The following DHX32 variants were observed in gnomAD, a reference collection of about 807,000 sequenced individuals.
DHX32 encodes DEAH-box helicase 32 (putative).
A neutral mutation model predicts 70.0 loss-of-function variants in DHX32; 51 were observed. The ratio of observed to expected loss-of-function variants is 0.73; its 90% CI spans 0.58 to 0.92. The LOEUF (loss-of-function observed/expected upper bound fraction) is 0.92. Ranked by LOEUF, DHX32 falls within the 40% of genes least tolerant of loss-of-function variation. The pLI, the probability that DHX32 is intolerant of heterozygous loss-of-function variation, is 0.00. For missense variants in DHX32, 762 were observed against 891.8 expected (o/e 0.85, Z 1.85); for synonymous variants, 310 against 315.3 (o/e 0.98, Z 0.18).
At chr10:125,887,351 A>G (rs1944345991) in intron 1 of DHX32, among the ~76,000 whole-genome samples, 1 of 152,238 alleles carries the variant, frequency 6.6e-6, no homozygotes, top group Admixed American at 6.5e-5. Context: ...TATGATATGT[A>G]GACTCAACCT....
chr10:125,879,000 G>A (rs559166958), intron 1 of DHX32, among the ~76,000 whole-genome samples: 5 of 146,276 alleles, frequency 3.4e-5, no homozygotes, highest in South Asian at 2.2e-4. Flanking sequence ...GAGCCACAGC[G>A]CCCAGCCTTT....
At chr10:125,879,026 T>G (rs1317050559) in intron 1 of DHX32, among the ~76,000 whole-genome samples, 3 of 137,482 alleles carry the variant, frequency 2.2e-5, no homozygotes, top group East Asian at 2.1e-4. Flanking sequence ...TTTTTTTTTT[T>G]TTTTTTTTTT....
chr10:125,881,826 A>G (rs1446116156), upstream of DHX32, among the ~76,000 whole-genome samples: 1 of 152,098 alleles, frequency 6.6e-6, no homozygotes, highest in Non-Finnish European at 1.5e-5. Flanking sequence ...ATTTTTTTGT[A>G]GAGACGGAGT....
chr10:125,873,879 A>G (rs1944269436), intron 1 of DHX32, among the ~76,000 whole-genome samples: 1 of 152,230 alleles, frequency 6.6e-6, no homozygotes, highest in African/African-American at 2.4e-5. Context: ...AGTCAATAGA[A>G]GTACAGATGT....
intron 1 of DHX32, among the ~76,000 whole-genome samples, chr10:125,879,608 C>T (rs369399485): frequency 2.6e-5 from 4 of 152,148 alleles, no homozygotes; most frequent in South Asian, 4.1e-4. Context: ...CTGAGTGCTG[C>T]GTAATTCATG....
At chr10:125,868,663 G>A (rs1013681912) in intron 1 of DHX32, among the ~76,000 whole-genome samples, 3 of 152,164 alleles carry the variant, frequency 2.0e-5, no homozygotes, top group African/African-American at 7.2e-5. Flanking sequence ...CTCAGGAAAC[G>A]TGGAATCAAG....
chr10:125,863,742 C>G (rs932216368), intron 2 of DHX32, among the ~76,000 whole-genome samples: 2 of 152,252 alleles, frequency 1.3e-5, no homozygotes, highest in African/African-American at 4.8e-5. Context: ...AGCCACCGTG[C>G]CCGGCCAATC....
At chr10:125,842,783 TAAAG>T in intron 6 of DHX32, 2 of 945,074 alleles carry the variant, frequency 2.1e-6, no homozygotes, top group Non-Finnish European at 2.5e-6. Flanking sequence ...CCAGTGCAAA[TAAAG>T]AAATAAAGAT....
intron 1 of DHX32, among the ~76,000 whole-genome samples, chr10:125,893,330 G>A (rs1377270557): frequency 1.3e-5 from 2 of 152,092 alleles, no homozygotes; most frequent in Non-Finnish European, 2.9e-5. Flanking sequence ...TGCAAGCTCC[G>A]CCTCCCGGGT....
chr10:125,854,935 T>TA (rs1369568107), intron 3 of DHX32: 1 of 152,092 alleles, frequency 6.6e-6, no homozygotes. Flanking sequence ...GTTTAGAAAT[T>TA]AAAAGGAAGG....
At chr10:125,878,019 A>C (rs1944294325) in intron 1 of DHX32, among the ~76,000 whole-genome samples, 1 of 152,204 alleles carries the variant, frequency 6.6e-6, no homozygotes, top group Non-Finnish European at 1.5e-5. Flanking sequence ...TTCATGATAA[A>C]AATACTGGTT....
At chr10:125,853,832 G>T in intron 4 of DHX32, 129 bp downstream of exon 4, 1 of 1,198,562 alleles carries the variant, frequency 8.3e-7, no homozygotes, top group South Asian at 1.6e-5. Context: ...TTGCACTCAT[G>T]ACCAAATTCA....
Position 125,880,915 on chromosome 10 carries a change from T to G in DHX32, c.-91A>C. On this transcript the variant is annotated 5_prime_UTR_variant, in exon 1 of 11. Transcript: ENST00000284690. ...TGCAAACAGGGCTTAAAAGCCTATTTATACAAACCCGTATGTTCCAATCTC... is the reference window on the plus strand; with the variant it reads ...TGCAAACAGGGCTTAAAAGCCTATTGATACAAACCCGTATGTTCCAATCTC... 4 of 1,435,938 alleles carry G rather than the reference T, an allele frequency of 2.8e-6. No homozygotes were observed. Among genetic ancestry groups the G allele is most frequent in the African/African-American group, 1.4e-5 (1 of 70,244 alleles). The allele number at this position is 1,435,938 out of a possible 1,614,324, so 88.9% of individuals were successfully genotyped here. A position where few individuals can be genotyped will look rare whatever the true frequency, so the allele number is the denominator to read the frequency against.
chr10:125,859,549 A>G lies in DHX32; in HGVS notation c.849+54T>C, dbSNP rs1944171949. 15 of 1,510,484 alleles carry G rather than the reference A, an allele frequency of 9.9e-6. 1 individual carries two copies. In the South Asian group the frequency reaches 2.1e-4, roughly 21 times the overall value. 93.6% of individuals were successfully genotyped at this position (1,510,484 alleles called of 1,614,324 possible). A position where few individuals can be genotyped will look rare whatever the true frequency, so the allele number is the denominator to read the frequency against. Reference sequence around the variant, plus strand: ...TGAAACCTGTATGTTAGTTATTAAAAGCTTCCCAAATGAAATACCTTATTA... The same window carrying G: ...TGAAACCTGTATGTTAGTTATTAAAGGCTTCCCAAATGAAATACCTTATTA... On this transcript the variant is annotated intron_variant, in intron 3 of 10. Transcript: ENST00000284690.
intron 2 of DHX32, among the ~76,000 whole-genome samples, chr10:125,864,997 C>T (rs1382768367): frequency 7.4e-6 from 1 of 134,564 alleles, no homozygotes; most frequent in Non-Finnish European, 1.6e-5. Flanking sequence ...GATTCCATAT[C>T]ATGACAAAGC....
intron 6 of DHX32, among the ~76,000 whole-genome samples, chr10:125,843,468 C>T (rs751569184): frequency 4.6e-5 from 7 of 152,032 alleles, no homozygotes; most frequent in African/African-American, 7.2e-5. Context: ...AAAAATTAGC[C>T]GGGCGTGGTG....
chr10:125,863,608 C>A (rs1037972331), intron 2 of DHX32, among the ~76,000 whole-genome samples: 1 of 152,044 alleles, frequency 6.6e-6, no homozygotes, highest in African/African-American at 2.4e-5. Context: ...CCACCACTCC[C>A]AGCTAATTTT....
At chr10:125,892,671 T>A (rs1408421319) in intron 1 of DHX32, among the ~76,000 whole-genome samples, 3 of 152,202 alleles carry the variant, frequency 2.0e-5, no homozygotes, top group African/African-American at 7.2e-5. Flanking sequence ...AGGAAGTACC[T>A]AACACATTGT....
At chr10:125,840,352 A>G (rs543331878) in intron 8 of DHX32, among the ~76,000 whole-genome samples, 15 of 152,206 alleles carry the variant, frequency 9.9e-5, no homozygotes, top group Middle Eastern at 3.4e-3. Context: ...GCTCTCCTCT[A>G]TCAAGCTCCG....
Sources: allele counts gnomAD v4.1 joint callset (sites outside exome capture counted in the v4.1 genomes callset), GRCh38; gene constraint gnomAD v4.1.1; transcripts MANE v1.5; gene names NCBI Gene and HGNC (gene_info 2026-07-23, HGNC 2026-07-21).